NPTN: variants seen among roughly 807,000 people sequenced by gnomAD.
NPTN encodes the protein neuroplastin.
A neutral mutation model predicts 42.7 loss-of-function variants in NPTN; 5 were observed. The ratio of observed to expected loss-of-function variants is 0.12; its 90% CI spans 0.06 to 0.25. NPTN has a LOEUF of 0.25. Among genes scored for constraint, NPTN ranks in the 10% least tolerant of loss-of-function variants. The pLI is 1.00. For missense variants in NPTN, 307 were observed against 525.4 expected, an observed-to-expected ratio of 0.58 and a Z score of 4.06; for synonymous variants, 180 against 201.9, an observed-to-expected ratio of 0.89 and a Z score of 0.92.
At position 73,567,572 on chromosome 15, in the gene NPTN, C is replaced by G. The variant is rs1895103841; in HGVS notation, c.1114+2578G>C. 7 of 985,238 alleles carry G rather than the reference C, an allele frequency of 7.1e-6. No individual in the cohort carries two copies. In the South Asian group the frequency reaches 2.3e-4, roughly 33 times the overall value. The allele number at this position is 985,238 out of a possible 1,614,324, so 61.0% of individuals were successfully genotyped here. A position where few individuals can be genotyped will look rare whatever the true frequency, so the allele number is the denominator to read the frequency against. ...GTGCACAGGGGTTGAGGGGAACTGG[C>G]TAAAGAAGGAAAAGGCAGAGAAGAA... On this transcript the variant is annotated intron_variant, in intron 6 of 8. Transcript: ENST00000345330.
chr15:73,597,375 G>T lies in NPTN; in HGVS notation c.92-6C>A. On this transcript the variant is annotated splice_polypyrimidine_tract_variant and splice_region_variant and intron_variant, in intron 1 of 8. Coordinates refer to ENST00000345330, the MANE Select transcript of NPTN (RefSeq NM_012428.4). This position sits in a 1 kb window ranked among gnomAD's most constrained non-coding sequence, Gnocchi z 6.3. ...GGGCGACTTGACAAACCCAGCTAGA[G>T]GGAGGGGGAGCAGGAATGCAGTGAC... 1 of 1,606,152 alleles carries T rather than the reference G, an allele frequency of 6.2e-7. No homozygotes were observed. The highest frequency in any genetic ancestry group is 1.1e-5 in the South Asian group (1 of 90,842).
chr15:73,572,226 T>G (rs1337359817), intron 5 of NPTN, among the ~76,000 whole-genome samples: 2 of 152,216 alleles, frequency 1.3e-5, no homozygotes, highest in African/African-American at 4.8e-5. Flanking sequence ...GCCACTAATT[T>G]ATCTTGGCTA....
chr15:73,627,282 T>C (rs1249205159), intron 1 of NPTN, among the ~76,000 whole-genome samples: 1 of 152,188 alleles, frequency 6.6e-6, no homozygotes, highest in Non-Finnish European at 1.5e-5. Context: ...AAGTATATCA[T>C]AAAGCTCCAG....
At chr15:73,579,598 C>A (rs1182462155) in intron 4 of NPTN, among the ~76,000 whole-genome samples, 2 of 152,026 alleles carry the variant, frequency 1.3e-5, no homozygotes, top group African/African-American at 2.4e-5. Flanking sequence ...CTGAAAGGAC[C>A]CAGACTTAAA....
At chr15:73,586,925 G>A (rs1217638515) in intron 4 of NPTN, among the ~76,000 whole-genome samples, 1 of 152,200 alleles carries the variant, frequency 6.6e-6, no homozygotes, top group Non-Finnish European at 1.5e-5. Context: ...TAGGAAAGCT[G>A]AAATTTATGA....
chr15:73,608,860 T>C (rs781160755), intron 1 of NPTN, among the ~76,000 whole-genome samples: 5 of 152,234 alleles, frequency 3.3e-5, no homozygotes, highest in Non-Finnish European at 5.9e-5. Context: ...TGGGCAGTGA[T>C]ACTATAACTG....
At chr15:73,606,161 T>C (rs1897287743) in intron 1 of NPTN, among the ~76,000 whole-genome samples, 1 of 152,168 alleles carries the variant, frequency 6.6e-6, no homozygotes, top group Non-Finnish European at 1.5e-5. Flanking sequence ...ACAATGTTTC[T>C]CCTTCACCCC....
Position 73,570,452 on chromosome 15 carries a change from G to A in NPTN, c.841-29C>T, listed in dbSNP as rs766348581. On this transcript the variant is annotated intron_variant, in intron 5 of 8. Coordinates refer to ENST00000345330, the MANE Select transcript of NPTN (RefSeq NM_012428.4). This position sits in a 1 kb window ranked among gnomAD's most constrained non-coding sequence, Gnocchi z 4.0. ...CAAAAAAGTGAGAATACACAAAGGT[G>A]AGAGTGAGTAACTGAGCTAATGTTC... The A allele has an allele frequency of 1.4e-5, 22 of 1,596,884 alleles. No homozygotes were observed. Among genetic ancestry groups the A allele is most frequent in the Non-Finnish European group, 1.9e-5 (22 of 1,169,436 alleles).
intron 1 of NPTN, among the ~76,000 whole-genome samples, chr15:73,609,248 C>T (rs1897440316): frequency 6.6e-6 from 1 of 152,198 alleles, no homozygotes; most frequent in African/African-American, 2.4e-5. Context: ...ATGTCAATGA[C>T]TCAGATATAA....
intron 4 of NPTN, among the ~76,000 whole-genome samples, chr15:73,577,803 G>A (rs754634453): frequency 5.3e-4 from 80 of 152,014 alleles, no homozygotes; most frequent in Non-Finnish European, 1.0e-4. Flanking sequence ...GGAACTGACT[G>A]AGCACAAGAA....
intron 1 of NPTN, among the ~76,000 whole-genome samples, chr15:73,630,484 T>A (rs1047967605): frequency 6.6e-6 from 1 of 152,236 alleles, no homozygotes; most frequent in East Asian, 1.9e-4. Flanking sequence ...CAAGTTTAAA[T>A]TCTTGGATGA....
intron 2 of NPTN, among the ~76,000 whole-genome samples, chr15:73,594,951 T>C (rs368570183): frequency 7.8e-6 from 1 of 128,896 alleles, no homozygotes; most frequent in African/African-American, 2.8e-5. Flanking sequence ...CAGGGTGTTT[T>C]AAAAAAAAAA....
At chr15:73,632,167 C>A (rs372021681) in intron 1 of NPTN, among the ~76,000 whole-genome samples, 30 of 151,874 alleles carry the variant, frequency 2.0e-4, no homozygotes, top group African/African-American at 7.3e-4. Flanking sequence ...CACATCCCAA[C>A]TCCTCCCTTC....
chr15:73,600,758 T>C (rs758443862), intron 1 of NPTN, among the ~76,000 whole-genome samples: 5 of 152,220 alleles, frequency 3.3e-5, no homozygotes, highest in Non-Finnish European at 7.3e-5. Flanking sequence ...TTGTGCAACA[T>C]ACTATGATCA....
At chr15:73,612,608 A>G (rs999989807) in intron 1 of NPTN, among the ~76,000 whole-genome samples, 4 of 152,024 alleles carry the variant, frequency 2.6e-5, no homozygotes, top group African/African-American at 9.7e-5. Context: ...TCTACTAAAA[A>G]AAATACAAAA....
chr15:73,599,262 C>A (rs1255687684), intron 1 of NPTN, among the ~76,000 whole-genome samples: 1 of 152,132 alleles, frequency 6.6e-6, no homozygotes, highest in Non-Finnish European at 1.5e-5. Context: ...AGCCATGTCT[C>A]GGTCTCACAA....
At chr15:73,600,884 G>C (rs1402684363) in intron 1 of NPTN, among the ~76,000 whole-genome samples, 1 of 152,144 alleles carries the variant, frequency 6.6e-6, no homozygotes, top group East Asian at 1.9e-4. Context: ...AGATGATTCT[G>C]AGGCAAGACT....
intron 6 of NPTN, chr15:73,567,062 T>C (rs1253582514): frequency 1.0e-6 from 1 of 977,346 alleles, no homozygotes; most frequent in Non-Finnish European, 1.2e-6. Flanking sequence ...GCATTTTCAA[T>C]GTGAGAAATC....
chr15:73,585,979 G>C (rs757103751), intron 4 of NPTN, among the ~76,000 whole-genome samples: 2 of 152,156 alleles, frequency 1.3e-5, no homozygotes, highest in African/African-American at 2.4e-5. Context: ...CCCCACCTTC[G>C]TAAGCAGCCA....
Sources: allele counts gnomAD v4.1 joint callset (sites outside exome capture counted in the v4.1 genomes callset), GRCh38; gene constraint gnomAD v4.1.1; non-coding constraint Gnocchi (gnomAD v3.1); transcripts MANE v1.5; gene names NCBI Gene and HGNC (gene_info 2026-07-23, HGNC 2026-07-21).